MDGA2: variants seen among roughly 807,000 people sequenced by gnomAD.
MDGA2 encodes the protein MAM domain containing glycosylphosphatidylinositol anchor 2.
MDGA2 carries 40 observed loss-of-function variants against 117.8 expected under a neutral mutation model. That is an observed-to-expected ratio of 0.34 (90% CI 0.26 to 0.44). The LOEUF is 0.44. MDGA2 is among the 20% of genes least tolerant of loss of function. The pLI is 1.00. For synonymous variants in MDGA2, 452 were observed against 439.0 expected (o/e 1.03, Z -0.37); for missense variants, 1,123 against 1,250.6 (o/e 0.90, Z 1.54).
chr14:47,556,577 T>A (rs1042995681), intron 1 of MDGA2, among the ~76,000 whole-genome samples: 7 of 152,230 alleles, frequency 4.6e-5, no homozygotes, highest in Admixed American at 3.9e-4. Context: ...TAAGTTTGGA[T>A]CCCTAATACA....
intron 7 of MDGA2, among the ~76,000 whole-genome samples, chr14:47,058,099 G>A (rs1186769798): frequency 6.6e-6 from 1 of 151,864 alleles, no homozygotes; most frequent in African/African-American, 2.4e-5. Context: ...AATGCCTTGT[G>A]GTATCTCAGC....
At chr14:47,068,399 T>C (rs1316062392) in intron 6 of MDGA2, among the ~76,000 whole-genome samples, 1 of 84,278 alleles carries the variant, frequency 1.2e-5, no homozygotes, top group Non-Finnish European at 2.2e-5. Context: ...TTAATCCTAT[T>C]TTAAGTAAGA....
chr14:46,904,607 C>G (rs1472846765), intron 10 of MDGA2, among the ~76,000 whole-genome samples: 1 of 152,098 alleles, frequency 6.6e-6, no homozygotes, highest in Non-Finnish European at 1.5e-5. Context: ...CATGATTGTT[C>G]AAATGTACTA....
chr14:46,907,308 T>C (rs1383710650), intron 10 of MDGA2, among the ~76,000 whole-genome samples: 3 of 152,142 alleles, frequency 2.0e-5, no homozygotes, highest in African/African-American at 7.2e-5. Context: ...AAATCAGTTG[T>C]GGATTTTGCA....
chr14:47,417,833 C>T (rs1057199517), intron 1 of MDGA2, among the ~76,000 whole-genome samples: 12 of 152,084 alleles, frequency 7.9e-5, no homozygotes, highest in Non-Finnish European at 1.8e-4. Flanking sequence ...CTCACCTCTG[C>T]CTCCTGAGTA....
intron 1 of MDGA2, among the ~76,000 whole-genome samples, chr14:47,505,841 T>G (rs1894500443): frequency 2.0e-5 from 3 of 152,184 alleles, no homozygotes. Context: ...GTCTATTGAT[T>G]TTTTACTTGG....
At chr14:46,881,009 A>AACACACACACACGCACAC (rs1882433444) in intron 11 of MDGA2, among the ~76,000 whole-genome samples, 1 of 145,588 alleles carries the variant, frequency 6.9e-6, no homozygotes, top group Non-Finnish European at 1.5e-5. Flanking sequence ...AACTATCACT[A>AACACACACACACGCACAC]ACACACACAC....
intron 6 of MDGA2, among the ~76,000 whole-genome samples, chr14:47,067,746 CTT>C (rs1015495050): frequency 6.6e-6 from 1 of 152,096 alleles, no homozygotes; most frequent in African/African-American, 2.4e-5. Flanking sequence ...ATGAACAAGA[CTT>C]AATCTTTCTC....
chr14:47,098,010 T>C (rs1449508511), intron 5 of MDGA2, among the ~76,000 whole-genome samples: 4 of 151,960 alleles, frequency 2.6e-5, no homozygotes, highest in African/African-American at 4.8e-5. Context: ...ACTGCCGTGC[T>C]AGCCTAAATA....
chr14:47,290,371 A>C (rs959497481), intron 2 of MDGA2, among the ~76,000 whole-genome samples: 5 of 152,142 alleles, frequency 3.3e-5, no homozygotes, highest in South Asian at 2.1e-4. Flanking sequence ...CTCATCATAC[A>C]TGGAATCTGC....
At chr14:46,879,690 C>T (rs925656819) in intron 11 of MDGA2, among the ~76,000 whole-genome samples, 1 of 152,094 alleles carries the variant, frequency 6.6e-6, no homozygotes, top group Non-Finnish European at 1.5e-5. Flanking sequence ...AAGATCTTCT[C>T]TAATGGAGTG....
chr14:47,346,068 C>T (rs1301436547), intron 1 of MDGA2, among the ~76,000 whole-genome samples: 1 of 151,896 alleles, frequency 6.6e-6, no homozygotes, highest in East Asian at 1.9e-4. Context: ...TATATATTTT[C>T]TAATAGCTAG....
intron 1 of MDGA2, among the ~76,000 whole-genome samples, chr14:47,519,154 G>A (rs747601670): frequency 3.3e-5 from 5 of 151,134 alleles, no homozygotes; most frequent in South Asian, 2.1e-4. Flanking sequence ...GCAGTGAGCC[G>A]AGATCACACC....
chr14:47,178,021 A>G (rs2139357536), intron 3 of MDGA2, among the ~76,000 whole-genome samples: 1 of 152,264 alleles, frequency 6.6e-6, no homozygotes, highest in Admixed American at 6.5e-5. Flanking sequence ...AGTGTCACAA[A>G]GAAGATTCCC....
At chr14:47,492,947 G>T (rs546647813) in intron 1 of MDGA2, among the ~76,000 whole-genome samples, 15 of 151,672 alleles carry the variant, frequency 9.9e-5, no homozygotes, top group Non-Finnish European at 1.8e-4. Context: ...ATGCATCTAG[G>T]GAAATTTTGT....
At chr14:47,286,816 T>C (rs374648499) in intron 2 of MDGA2, among the ~76,000 whole-genome samples, 9,879 of 119,828 alleles carry the variant, frequency 0.082, 491 homozygotes, top group Middle Eastern at 0.16. Context: ...TATATATATA[T>C]ATATATATAC....
chr14:47,125,867 T>C (rs1881876732), intron 5 of MDGA2, among the ~76,000 whole-genome samples: 1 of 152,076 alleles, frequency 6.6e-6, no homozygotes, highest in South Asian at 2.1e-4. Context: ...TTTTTCATCC[T>C]AATATAGGTA....
Position 47,061,422 on chromosome 14 carries a change from C to A in MDGA2, c.1352G>T (p.Ser451Ile). 3 of 1,613,678 alleles carry A rather than the reference C, an allele frequency of 1.9e-6. No homozygotes were observed. The highest frequency in any genetic ancestry group is 2.5e-6 in the Non-Finnish European group (3 of 1,179,678). ...SWFKNGRPLR[S>I]SERMVITQTD... ...CTGTGTAATGACCATCCGCTCAGAA[C>A]TTCTTAATGGACGACCATTTTTAAA... The change falls in exon 7 of 17, where the codon AGT (serine) becomes ATT (isoleucine). Residue 451 changes from serine (S) to isoleucine (I), a missense_variant. Transcript: ENST00000399232.
intron 5 of MDGA2, among the ~76,000 whole-genome samples, chr14:47,115,931 A>G (rs1881304957): frequency 2.0e-5 from 3 of 152,066 alleles, no homozygotes; most frequent in Admixed American, 2.0e-4. Context: ...AGTCCCAGCC[A>G]GAGTAATTCG....
Sources: allele counts gnomAD v4.1 joint callset (sites outside exome capture counted in the v4.1 genomes callset), GRCh38; gene constraint gnomAD v4.1.1; transcripts MANE v1.5; gene names NCBI Gene and HGNC (gene_info 2026-07-23, HGNC 2026-07-21).